PPP1R1C: variants seen among roughly 807,000 people sequenced by gnomAD.
The protein encoded by PPP1R1C is protein phosphatase 1 regulatory subunit 1C.
PPP1R1C carries 15 observed loss-of-function variants against 17.4 expected under a neutral mutation model. The ratio of observed to expected loss-of-function variants is 0.86; its 90% CI spans 0.58 to 1.33. The LOEUF (loss-of-function observed/expected upper bound fraction) is 1.33, where lower values mean the gene tolerates loss of function less well. PPP1R1C is among the 40% of genes most tolerant of loss of function. The pLI is 0.00. For missense variants in PPP1R1C, 143 were observed against 130.0 expected (o/e 1.10, Z -0.48); for synonymous variants, 35 against 43.1 (o/e 0.81, Z 0.73).
intron 2 of PPP1R1C, among the ~76,000 whole-genome samples, chr2:182,005,163 G>A (rs1283002361): frequency 6.6e-6 from 1 of 152,050 alleles, no homozygotes; most frequent in East Asian, 1.9e-4. Context: ...GATAACGTTG[G>A]CAATATATAT....
At chr2:182,124,327 G>GTTTTTTTTTTGTTTTTTTTTTTT (rs1689816316) in intron 5 of PPP1R1C, among the ~76,000 whole-genome samples, 14 of 82,996 alleles carry the variant, frequency 1.7e-4, no homozygotes, top group South Asian at 7.6e-4. Context: ...TTTTTTTTTT[G>GTTTTTTTTTTGTTTTTTTTTTTT]TTTTTTTTTT....
At chr2:182,067,967 T>C (rs372697097) in intron 4 of PPP1R1C, among the ~76,000 whole-genome samples, 11 of 152,276 alleles carry the variant, frequency 7.2e-5, no homozygotes, top group African/African-American at 2.6e-4. Flanking sequence ...CAGATGCCAT[T>C]ACTGAACCGG....
At chr2:182,104,348 G>A (rs1036967889) in intron 4 of PPP1R1C, among the ~76,000 whole-genome samples, 1 of 151,960 alleles carries the variant, frequency 6.6e-6, no homozygotes, top group Non-Finnish European at 1.5e-5. Flanking sequence ...ATTAGGTTGA[G>A]GTATACTCCT....
At chr2:182,072,269 A>C (rs1003005108) in intron 4 of PPP1R1C, among the ~76,000 whole-genome samples, 5 of 152,156 alleles carry the variant, frequency 3.3e-5, no homozygotes, top group Non-Finnish European at 7.4e-5. Flanking sequence ...GTGTTCCCTG[A>C]TGTTTTCTGA....
intron 2 of PPP1R1C, among the ~76,000 whole-genome samples, chr2:182,032,577 A>G (rs1402786431): frequency 6.6e-6 from 1 of 152,010 alleles, no homozygotes; most frequent in African/African-American, 2.4e-5. Context: ...TGATGAATTT[A>G]TTTCCATTAT....
intron 2 of PPP1R1C, among the ~76,000 whole-genome samples, chr2:182,031,902 T>A (rs1686853111): frequency 6.6e-6 from 1 of 152,250 alleles, no homozygotes; most frequent in African/African-American, 2.4e-5. Context: ...AAAGAAATTG[T>A]ACCATATCTT....
chr2:182,002,931 C>CA (rs1215367302), intron 2 of PPP1R1C, among the ~76,000 whole-genome samples: 9 of 55,248 alleles, frequency 1.6e-4, no homozygotes, highest in Non-Finnish European at 2.7e-4. Context: ...CCATAAACCT[C>CA]CCCCCCCCCA....
At chr2:182,093,874 C>G (rs191246305) in intron 4 of PPP1R1C, among the ~76,000 whole-genome samples, 64 of 152,360 alleles carry the variant, frequency 4.2e-4, no homozygotes, top group African/African-American at 1.4e-3. Flanking sequence ...AAGTTTCAAA[C>G]TTTTCCACAT....
chr2:182,048,270 A>G (rs867994158), intron 2 of PPP1R1C, among the ~76,000 whole-genome samples: 1 of 152,132 alleles, frequency 6.6e-6, no homozygotes, highest in Non-Finnish European at 1.5e-5. Flanking sequence ...CTCAAAGAAA[A>G]ACACAACTGA....
intron 1 of PPP1R1C, among the ~76,000 whole-genome samples, chr2:181,960,209 C>A (rs2125130237): frequency 6.6e-6 from 1 of 152,176 alleles, no homozygotes; most frequent in African/African-American, 2.4e-5. Flanking sequence ...GAAAGAAAAC[C>A]AAAAATTATA....
chr2:182,054,613 TA>T (rs1449843268), intron 2 of PPP1R1C, among the ~76,000 whole-genome samples: 1 of 152,014 alleles, frequency 6.6e-6, no homozygotes, highest in Non-Finnish European at 1.5e-5. Context: ...ATAGTTAGAT[TA>T]TTTTGATTTT....
At chr2:181,970,939 C>T (rs1237618113) in intron 1 of PPP1R1C, among the ~76,000 whole-genome samples, 1 of 152,080 alleles carries the variant, frequency 6.6e-6, no homozygotes, top group Admixed American at 6.5e-5. Flanking sequence ...ATGGTGAATG[C>T]TGCCAGGCCT....
intron 2 of PPP1R1C, among the ~76,000 whole-genome samples, chr2:182,023,125 A>G (rs893982851): frequency 6.6e-6 from 1 of 152,258 alleles, no homozygotes; most frequent in Non-Finnish European, 1.5e-5. Flanking sequence ...CAGATTAAGT[A>G]GGCAATATAG....
intron 5 of PPP1R1C, among the ~76,000 whole-genome samples, chr2:182,124,297 C>T (rs1226416856): frequency 1.1e-4 from 15 of 142,134 alleles, no homozygotes; most frequent in Non-Finnish European, 1.8e-4. Context: ...GTTATGCCTC[C>T]AGCTTTGTTT....
At chr2:182,032,072 A>G (rs1574395586) in intron 2 of PPP1R1C, among the ~76,000 whole-genome samples, 1 of 152,202 alleles carries the variant, frequency 6.6e-6, no homozygotes, top group East Asian at 1.9e-4. Context: ...TTCTTTCCTA[A>G]ACATTTAAAT....
upstream of PPP1R1C, among the ~76,000 whole-genome samples, chr2:181,983,587 G>C (rs960133476): frequency 6.6e-6 from 1 of 152,098 alleles, no homozygotes. Context: ...CTTCAAGTAA[G>C]AATTTAGCTT....
chr2:182,080,499 T>C (rs1385598279), intron 4 of PPP1R1C, among the ~76,000 whole-genome samples: 1 of 152,232 alleles, frequency 6.6e-6, no homozygotes, highest in East Asian at 1.9e-4. Flanking sequence ...GGTCAGGCTT[T>C]CTTTAACATT....
chr2:182,074,776 A>G (rs1222884183), intron 4 of PPP1R1C, among the ~76,000 whole-genome samples: 1 of 152,196 alleles, frequency 6.6e-6, no homozygotes, highest in Non-Finnish European at 1.5e-5. Flanking sequence ...CCAACACCTC[A>G]GTTGTGGCAG....
intron 2 of PPP1R1C, among the ~76,000 whole-genome samples, chr2:182,015,117 G>A (rs558742224): frequency 4.7e-4 from 71 of 152,288 alleles, no homozygotes; most frequent in African/African-American, 1.6e-3. Flanking sequence ...CTAGCAGAAG[G>A]AGTCCGATAT....
Sources: allele counts gnomAD v4.1 joint callset (sites outside exome capture counted in the v4.1 genomes callset), GRCh38; gene constraint gnomAD v4.1.1; transcripts MANE v1.5; gene names NCBI Gene and HGNC (gene_info 2026-07-23, HGNC 2026-07-21).